The following ENO4 variants were observed in gnomAD, a reference collection of about 807,000 sequenced individuals.
ENO4 encodes the protein 2-phospho-D-glycerate hydro-lyase.
Under a neutral mutation model 63.2 loss-of-function variants are expected in ENO4, and 53 were observed. That is an observed-to-expected ratio of 0.84 (90% CI 0.67 to 1.05). The LOEUF is 1.05. ENO4 is among the 50% of genes least tolerant of loss of function. The pLI is 0.00. For missense variants in ENO4, 719 were observed against 772.0 expected, an observed-to-expected ratio of 0.93 and a Z score of 0.81; for synonymous variants, 266 against 283.8, an observed-to-expected ratio of 0.94 and a Z score of 0.63.
chr10:116,911,250 A>G (rs1331824246), intron 10 of ENO4, among the ~76,000 whole-genome samples: 1 of 152,320 alleles, frequency 6.6e-6, no homozygotes, highest in East Asian at 1.9e-4. Context: ...GACACAAAGT[A>G]TGCTCTCCAA....
At chr10:116,881,469 T>A in intron 13 of ENO4, 46 bp from the exon 14 acceptor site, 1 of 1,419,430 alleles carries the variant, frequency 7.0e-7, no homozygotes, top group South Asian at 1.4e-5. Context: ...ATATAAAAAC[T>A]GGCACCATTG....
chr10:116,878,874 G>C (rs1488561385), intron 11 of ENO4, among the ~76,000 whole-genome samples: 4 of 151,390 alleles, frequency 2.6e-5, no homozygotes, highest in East Asian at 3.9e-4. Context: ...CTCGCGAGTA[G>C]CTGGGACTAC....
intron 3 of ENO4, among the ~76,000 whole-genome samples, chr10:116,858,688 TAAA>T (rs1343668842): frequency 1.3e-5 from 2 of 152,208 alleles, no homozygotes; most frequent in Non-Finnish European, 2.9e-5. Context: ...TAACCCACAA[TAAA>T]ATTACATCTT....
Position 116,881,900 on chromosome 10 carries a change from T to C in ENO4, c.*231T>C, listed in dbSNP as rs1331371642. The C allele has an allele frequency of 2.6e-6, 1 of 379,796 alleles. No individual in the cohort carries two copies. Among genetic ancestry groups the C allele is most frequent in the Non-Finnish European group, 4.6e-6 (1 of 215,878 alleles). The allele number at this position is 379,796 out of a possible 1,614,324, so 23.5% of individuals were successfully genotyped here. A position where few individuals can be genotyped will look rare whatever the true frequency, so the allele number is the denominator to read the frequency against. ...CTTCCATGTGGATTTTGTTTGTCTATTAGCTCTCCTGTCCATTTTTCAGGG... is the reference window on the plus strand; with the variant it reads ...CTTCCATGTGGATTTTGTTTGTCTACTAGCTCTCCTGTCCATTTTTCAGGG... On this transcript the variant is annotated 3_prime_UTR_variant, in exon 14 of 14. Transcript: ENST00000341276.
chr10:116,875,246 C>G (rs1013368560), intron 10 of ENO4, among the ~76,000 whole-genome samples: 1 of 152,052 alleles, frequency 6.6e-6, no homozygotes, highest in Non-Finnish European at 1.5e-5. Context: ...GTCACATCCT[C>G]CTTTTCACAA....
At chr10:116,889,841 T>A (rs544974391) in intron 10 of ENO4, among the ~76,000 whole-genome samples, 1 of 152,336 alleles carries the variant, frequency 6.6e-6, no homozygotes, top group East Asian at 1.9e-4. Flanking sequence ...TATCCCTTAG[T>A]TTTAATTTTT....
At chr10:116,862,040 A>T (rs1020362262) in intron 6 of ENO4, among the ~76,000 whole-genome samples, 1 of 152,164 alleles carries the variant, frequency 6.6e-6, no homozygotes, top group Non-Finnish European at 1.5e-5. Flanking sequence ...GCCATTCTTT[A>T]TCAGGTCTTT....
rs1308660354 is a variant in ENO4 at position 116,882,304 on chromosome 10, T to C, written c.*635T>C. 6.6e-6 allele frequency: 1 copy of C among 151,318 alleles called. No individual in the cohort carries two copies. The highest frequency in any genetic ancestry group is 2.4e-5 in the African/African-American group (1 of 41,120). The allele number at this position is 151,318 out of a possible 1,614,324, so 9.4% of individuals were successfully genotyped here. Reference sequence around the variant, plus strand: ...TTTTTGGAGTAAGAATGAGTATAAATGAATAAGCACATCAGTAAATGAATT... The same window carrying C: ...TTTTTGGAGTAAGAATGAGTATAAACGAATAAGCACATCAGTAAATGAATT... On this transcript the variant is annotated 3_prime_UTR_variant, in exon 14 of 14. Coordinates refer to ENST00000341276, the MANE Select transcript of ENO4 (RefSeq NM_001242699.2).
chr10:116,894,312 C>G (rs545311626), intron 10 of ENO4, among the ~76,000 whole-genome samples: 2 of 152,270 alleles, frequency 1.3e-5, no homozygotes, highest in Admixed American at 6.5e-5. Flanking sequence ...TGAACATTTT[C>G]TATTGAAATT....
At chr10:116,888,358 GAAC>G (rs1847227070) in intron 10 of ENO4, among the ~76,000 whole-genome samples, 1 of 152,162 alleles carries the variant, frequency 6.6e-6, no homozygotes, top group African/African-American at 2.4e-5. Flanking sequence ...GGGAGAAGCA[GAAC>G]AACTATGAGT....
intron 11 of ENO4, 94 bp from the exon 12 acceptor site, chr10:116,879,197 T>C: frequency 1.1e-6 from 1 of 872,222 alleles, no homozygotes; most frequent in Non-Finnish European, 1.7e-6. Context: ...ACAGGGAAGT[T>C]TTAAATCTGA....
chr10:116,854,110 TG>T (rs1390216473), intron 1 of ENO4, among the ~76,000 whole-genome samples: 1 of 152,164 alleles, frequency 6.6e-6, no homozygotes, highest in East Asian at 1.9e-4. Flanking sequence ...CACTTCCAAA[TG>T]GCTTCTGCTT....
At chr10:116,910,006 G>A (rs188436722) in intron 10 of ENO4, among the ~76,000 whole-genome samples, 1 of 152,202 alleles carries the variant, frequency 6.6e-6, no homozygotes, top group Admixed American at 6.5e-5. Flanking sequence ...GCTTTACAGG[G>A]TACTAACTTC....
At chr10:116,866,154 GATTT>G (rs1846542701) in intron 7 of ENO4, among the ~76,000 whole-genome samples, 1 of 152,134 alleles carries the variant, frequency 6.6e-6, no homozygotes, top group South Asian at 2.1e-4. Context: ...TAGTTTCAAA[GATTT>G]ATTTATATCT....
At chr10:116,885,150 A>G (rs989829581), downstream of ENO4, 2 of 152,664 alleles carry the variant, frequency 1.3e-5, no homozygotes, top group South Asian at 2.1e-4. Context: ...TACTGCAATT[A>G]TTACTATCAT....
chr10:116,904,579 T>TA (rs1564868440), intron 10 of ENO4, among the ~76,000 whole-genome samples: 10 of 152,196 alleles, frequency 6.6e-5, no homozygotes, highest in Admixed American at 3.3e-4. Context: ...ACGATTCTAC[T>TA]GAAAATGTAT....
In ENO4 at chr10:116,861,140, T is replaced by G. The variant is rs1251314263; in HGVS notation, c.886T>G (p.Leu296Val). The G allele has an allele frequency of 6.5e-7, 1 of 1,546,634 alleles. No homozygotes were observed. The highest frequency in any genetic ancestry group is 1.4e-5 in the African/African-American group (1 of 72,762). ...CGKSSSGKLN[L>V]MKEVICIPHP... ...GAAGTCATCATCTGGGAAGCTAAAT[T>G]TAATGAAAGAAGTGATTTGTATACC... Residue 296 changes from leucine (L) to valine (V), a missense_variant, in exon 6 of 14, where the codon TTA (leucine) becomes GTA (valine). Around this residue, in one of 3 missense-constraint regions of ENO4, gnomAD observed 544 missense variants for 583.6 expected, o/e 0.93. Coordinates refer to ENST00000341276, the MANE Select transcript of ENO4 (RefSeq NM_001242699.2).
intron 10 of ENO4, among the ~76,000 whole-genome samples, chr10:116,896,994 A>G (rs2133314086): frequency 6.6e-6 from 1 of 152,006 alleles, no homozygotes; most frequent in African/African-American, 2.4e-5. Context: ...TTTAGTAGAG[A>G]TAGGGTTTTG....
intron 12 of ENO4, 41 bp from the exon 13 acceptor site, chr10:116,879,828 A>G: frequency 7.0e-7 from 1 of 1,428,340 alleles, no homozygotes; most frequent in Non-Finnish European, 9.6e-7. Flanking sequence ...TTAGCAAGAC[A>G]TGGCTCCTCC....
Sources: allele counts gnomAD v4.1 joint callset (sites outside exome capture counted in the v4.1 genomes callset), GRCh38; gene constraint gnomAD v4.1.1; regional missense constraint gnomAD v4.1.1; transcripts MANE v1.5; gene names NCBI Gene and HGNC (gene_info 2026-07-23, HGNC 2026-07-21).